The following SETDB2 variants were observed in gnomAD, a reference collection of about 807,000 sequenced individuals.
SETDB2 encodes the protein histone-lysine N-methyltransferase SETDB2.
Under a neutral mutation model 82.5 loss-of-function variants are expected in SETDB2, and 56 were observed. That is an observed-to-expected ratio of 0.68 (90% CI 0.55 to 0.85). The LOEUF is 0.85. Among genes scored for constraint, SETDB2 ranks in the 40% least tolerant of loss-of-function variants. The pLI is 0.00. For synonymous variants in SETDB2, 272 were observed against 284.9 expected (o/e 0.95, Z 0.46); for missense variants, 677 against 816.4 (o/e 0.83, Z 2.08).
chr13:49,458,583 G>A (rs2138849846), intron 2 of SETDB2, among the ~76,000 whole-genome samples: 1 of 152,166 alleles, frequency 6.6e-6, no homozygotes, highest in East Asian at 1.9e-4. Context: ...TTCTACATAA[G>A]ACCCTTCTTA....
At chr13:49,489,910 C>CT (rs1958675146) in intron 12 of SETDB2, among the ~76,000 whole-genome samples, 1 of 43,296 alleles carries the variant, frequency 2.3e-5, no homozygotes, top group Non-Finnish European at 7.0e-5. Flanking sequence ...TTCTCCCGCC[C>CT]CCCCCCCCTT....
chr13:49,467,826 C>G, intron 4 of SETDB2, 38 bp from the exon 5 acceptor site: 2 of 1,499,798 alleles, frequency 1.3e-6, no homozygotes, highest in Admixed American at 3.7e-5. Flanking sequence ...TGGTTTTTAA[C>G]TTGGTATATT....
intron 2 of SETDB2, among the ~76,000 whole-genome samples, chr13:49,453,261 G>A (rs540659004): frequency 3.3e-5 from 5 of 150,970 alleles, no homozygotes; most frequent in South Asian, 2.1e-4. Context: ...AAATTGTCCC[G>A]GGTTTGGCTA....
At position 49,482,895 on chromosome 13, in the gene SETDB2, C is replaced by T; in HGVS notation, c.1315C>T (p.His439Tyr). Reference sequence around the variant, plus strand: ...AGTTCTCCCATTAGGATTGGAAACACATCCTAGAACTGCTAAAACTGAGAA... The same window carrying T: ...AGTTCTCCCATTAGGATTGGAAACATATCCTAGAACTGCTAAAACTGAGAA... ...VEVLPLGLET[H>Y]PRTAKTEKCP... The change falls in exon 9 of 14, where the codon CAT becomes TAT. Residue 439 changes from histidine (H) to tyrosine (Y), a missense_variant. His to Tyr is a moderately conservative substitution (Grantham distance 83, BLOSUM62 2). Transcript: ENST00000611815. The T allele has an allele frequency of 1.9e-6, 3 of 1,613,404 alleles. No individual in the cohort carries two copies. Among genetic ancestry groups the T allele is most frequent in the Non-Finnish European group, 1.7e-6 (2 of 1,179,626 alleles).
chr13:49,468,611 CTTT>C (rs1958163757), intron 5 of SETDB2, among the ~76,000 whole-genome samples: 1 of 109,024 alleles, frequency 9.2e-6, no homozygotes. Context: ...AAAGAAACTT[CTTT>C]GTTACCCTAA....
At chr13:49,474,949 T>C (rs1239413552) in intron 5 of SETDB2, among the ~76,000 whole-genome samples, 1 of 152,252 alleles carries the variant, frequency 6.6e-6, no homozygotes, top group Non-Finnish European at 1.5e-5. Context: ...TATAGACCAT[T>C]TCTATCAATG....
chr13:49,486,311 A>AAG (rs1341098516), intron 11 of SETDB2, among the ~76,000 whole-genome samples: 1 of 138,466 alleles, frequency 7.2e-6, no homozygotes, highest in Non-Finnish European at 1.6e-5. Context: ...CTCAAAAAAA[A>AAG]AAATAAAATG....
At chr13:49,480,787 C>T (rs561834696) in intron 7 of SETDB2, among the ~76,000 whole-genome samples, 160 bp from the exon 8 acceptor site, 1 of 152,316 alleles carries the variant, frequency 6.6e-6, no homozygotes, top group South Asian at 2.1e-4. Flanking sequence ...CAAGATAATA[C>T]AGCTAGTAAA....
Position 49,467,870 on chromosome 13 carries a change from T to C in SETDB2, c.215T>C (p.Met72Thr), listed in dbSNP as rs1018933081. ...ACATTATTTTTTTGTGTAGATCCTATGCCTGTGACTCAGAAGGAACAGGAA... is the reference window on the plus strand; with the variant it reads ...ACATTATTTTTTTGTGTAGATCCTACGCCTGTGACTCAGAAGGAACAGGAA... ...INSSTSIKDPMPVTQKEQENK... is the reference protein window; with the variant it reads ...INSSTSIKDPTPVTQKEQENK... Residue 72 changes from methionine (M) to threonine (T), a missense_variant, in exon 5 of 14, where the codon ATG becomes ACG. Met to Thr is a moderately conservative substitution (Grantham distance 81). This residue lies in a region of SETDB2 where 243 missense variants were observed against 237.2 expected (regional missense o/e 1.02). Transcript: ENST00000611815. 1.5e-5 allele frequency: 24 copies of C among 1,588,732 alleles called. No individual in the cohort carries two copies. The highest frequency in any genetic ancestry group is 2.8e-5 in the African/African-American group (2 of 71,742).
chr13:49,478,662 C>T (rs1262767161), intron 6 of SETDB2, among the ~76,000 whole-genome samples: 2 of 152,184 alleles, frequency 1.3e-5, no homozygotes, highest in South Asian at 4.1e-4. Flanking sequence ...CACAGTGGCT[C>T]ATACCTGTAA....
At chr13:49,490,727 T>G in intron 12 of SETDB2, 95 bp from the exon 13 acceptor site, 2 of 793,282 alleles carry the variant, frequency 2.5e-6, no homozygotes, top group South Asian at 1.9e-5. Context: ...AAAATCAGTG[T>G]GATATATTAA....
At chr13:49,481,931 T>C in intron 8 of SETDB2, 1 of 410,114 alleles carries the variant, frequency 2.4e-6, no homozygotes, top group Non-Finnish European at 3.3e-6. Flanking sequence ...GACCATGTGC[T>C]TAGAAAAGAA....
At chr13:49,451,931 T>TA in intron 2 of SETDB2, 22 bp downstream of exon 2, 1 of 1,555,808 alleles carries the variant, frequency 6.4e-7, no homozygotes, top group Non-Finnish European at 8.8e-7. Flanking sequence ...AACACACTGT[T>TA]ACACTTTATA....
chr13:49,452,447 T>TA (rs1957803805), intron 2 of SETDB2, among the ~76,000 whole-genome samples: 1 of 152,334 alleles, frequency 6.6e-6, no homozygotes, highest in East Asian at 1.9e-4. Context: ...CTTTTAGTGT[T>TA]ACAGAAAAAT....
In SETDB2 at chr13:49,481,069, G is replaced by A. The variant is rs781575680; in HGVS notation, c.1109G>A (p.Arg370His). ...FKTEQKGWGV[R>H]CLDDIDRGTF... ...ACTGAGCAGAAGGGATGGGGTGTACGCTGTCTAGATGACATTGACAGAGGG... is the reference window on the plus strand; with the variant it reads ...ACTGAGCAGAAGGGATGGGGTGTACACTGTCTAGATGACATTGACAGAGGG... The change falls in exon 8 of 14, where the codon CGC becomes CAC. Residue 370 changes from arginine to histidine, a missense_variant. By Grantham distance (29) the Arg-to-His change is conservative. Coordinates refer to ENST00000611815, the MANE Select transcript of SETDB2 (RefSeq NM_001160308.3). The A allele has an allele frequency of 6.8e-6, 11 of 1,613,962 alleles. No homozygotes were observed. Among genetic ancestry groups the A allele is most frequent in the South Asian group, 1.1e-5 (1 of 91,074 alleles).
chr13:49,490,484 C>A (rs1958690617), intron 12 of SETDB2, among the ~76,000 whole-genome samples: 1 of 152,018 alleles, frequency 6.6e-6, no homozygotes, highest in Non-Finnish European at 1.5e-5. Context: ...TGAATAATTA[C>A]ACATGGAAAC....
chr13:49,447,583 C>G (rs1235634827), intron 1 of SETDB2, among the ~76,000 whole-genome samples: 1 of 152,060 alleles, frequency 6.6e-6, no homozygotes. Context: ...AGGGGCCCCC[C>G]CACCTTCCAT....
chr13:49,482,918 GA>G lies in SETDB2; in HGVS notation c.1341del (p.Lys447AsnfsTer71). 1 of 1,613,200 alleles carries G rather than the reference GA, an allele frequency of 6.2e-7. No individual in the cohort carries two copies. The highest frequency in any genetic ancestry group is 8.5e-7 in the Non-Finnish European group (1 of 1,179,636). On this transcript the variant is annotated frameshift_variant, in exon 9 of 14. Coordinates refer to ENST00000611815, the MANE Select transcript of SETDB2 (RefSeq NM_001160308.3). LOFTEE classifies it high-confidence loss of function. ...ETHPRTAKTE[K>X]CPPKFSNNPK... ...CACATCCTAGAACTGCTAAAACTGAGAAATGTCCACCAAAGTTCAGTAATAA... is the reference window on the plus strand; with the variant it reads ...CACATCCTAGAACTGCTAAAACTGAGAATGTCCACCAAAGTTCAGTAATAA...
At chr13:49,471,641 A>C (rs1461273067) in intron 5 of SETDB2, among the ~76,000 whole-genome samples, 1 of 151,950 alleles carries the variant, frequency 6.6e-6, no homozygotes, top group Non-Finnish European at 1.5e-5. Flanking sequence ...CACAAACCCA[A>C]AAGATTATTT....
Sources: allele counts gnomAD v4.1 joint callset (sites outside exome capture counted in the v4.1 genomes callset), GRCh38; gene constraint gnomAD v4.1.1; regional missense constraint gnomAD v4.1.1; transcripts MANE v1.5; gene names NCBI Gene and HGNC (gene_info 2026-07-23, HGNC 2026-07-21).